Variants in MGAT4C observed in about 807,000 individuals in gnomAD.
The protein encoded by MGAT4C is alpha-1,3-mannosyl-glycoprotein 4-beta-N-acetylglucosaminyltransferase C.
A neutral mutation model predicts 40.1 loss-of-function variants in MGAT4C; 19 were observed. That is an observed-to-expected ratio of 0.47 (90% CI 0.33 to 0.70). The LOEUF is 0.70. MGAT4C is among the 30% of genes least tolerant of loss of function. The pLI is 0.02. For synonymous variants in MGAT4C, 181 were observed against 187.1 expected (o/e 0.97, Z 0.27); for missense variants, 491 against 563.2 (o/e 0.87, Z 1.30).
At chr12:86,733,058 A>C (rs944166002) in intron 1 of MGAT4C, among the ~76,000 whole-genome samples, 8 of 152,136 alleles carry the variant, frequency 5.3e-5, no homozygotes, top group African/African-American at 1.9e-4. Context: ...AGAATGAAAA[A>C]TTAAATCAGT....
intron 3 of MGAT4C, among the ~76,000 whole-genome samples, chr12:86,347,351 C>T (rs940661261): frequency 2.0e-5 from 3 of 152,010 alleles, no homozygotes; most frequent in Admixed American, 1.3e-4. Flanking sequence ...AAACACATGG[C>T]ATATTTTAAA....
At chr12:86,179,620 CTTG>C (rs1887889259) in intron 1 of MGAT4C, among the ~76,000 whole-genome samples, 1 of 152,148 alleles carries the variant, frequency 6.6e-6, no homozygotes, top group African/African-American at 2.4e-5. Flanking sequence ...AGAGGTGACT[CTTG>C]TTAAGTGACT....
chr12:86,617,386 AAT>A lies in MGAT4C; in HGVS notation c.-229+109821_-229+109822del, dbSNP rs376982316. Among the ~76,000 whole-genome samples, 73 of 152,324 alleles carry A rather than the reference AAT, an allele frequency of 4.8e-4. No homozygotes were observed. The East Asian group carries it at 9.6e-3, about 20-fold the overall frequency. ...CAACTCCAAATTGAAAGTGTTCATT[AAT>A]ATGCAGAAGAATGAAATTGGACATC... is the stretch of plus-strand genomic sequence containing the variant. On this transcript the variant is annotated intron_variant, in intron 2 of 7. Transcript: ENST00000548651.
Position 85,961,337 on chromosome 12 carries a change from G to GA in MGAT4C, c.*17951dup, listed in dbSNP as rs1407299059. The stretch of plus-strand genomic sequence containing the variant: ...GAGCTCAGAAAAAAATGCCTAACAT[G>GA]AACATTTAAGCATCTTCTGTTTCTG... On this transcript the variant is annotated 3_prime_UTR_variant, in exon 5 of 5. Transcript: ENST00000611864. The GA allele has an allele frequency of 6.6e-6, 1 of 151,760 alleles. No homozygotes were observed. The highest frequency in any genetic ancestry group is 1.9e-4 in the East Asian group (1 of 5,194). The allele number at this position is 151,760 out of a possible 1,614,324, so 9.4% of individuals were successfully genotyped here.
chr12:85,986,647 A>C (rs547103939), intron 3 of MGAT4C, among the ~76,000 whole-genome samples: 4 of 152,352 alleles, frequency 2.6e-5, no homozygotes, highest in African/African-American at 9.6e-5. Flanking sequence ...CTAAGTTAGA[A>C]GTACTATTTC....
intron 2 of MGAT4C, among the ~76,000 whole-genome samples, chr12:86,009,764 C>G (rs1167551967): frequency 6.6e-6 from 1 of 152,182 alleles, no homozygotes; most frequent in Non-Finnish European, 1.5e-5. Context: ...TTTGCCTACA[C>G]ATTCTTTCCT....
chr12:86,705,036 C>G (rs551458607), intron 2 of MGAT4C, among the ~76,000 whole-genome samples: 2 of 152,184 alleles, frequency 1.3e-5, no homozygotes, highest in East Asian at 3.9e-4. Context: ...CTATCATATT[C>G]AAATAAGTGA....
At chr12:86,782,219 T>C (rs946120425) in intron 1 of MGAT4C, among the ~76,000 whole-genome samples, 2 of 131,966 alleles carry the variant, frequency 1.5e-5, no homozygotes, top group East Asian at 4.9e-4. Context: ...TCTCGCTCTG[T>C]CGCCCAGGCT....
In MGAT4C at chr12:85,966,285, G is replaced by A. The variant is rs1235767684; in HGVS notation, c.*13004C>T. 1.3e-5 allele frequency: 2 copies of A among 151,822 alleles called. No individual in the cohort carries two copies. The highest frequency in any genetic ancestry group is 2.9e-5 in the Non-Finnish European group (2 of 67,958). The allele number at this position is 151,822 out of a possible 1,614,324, so 9.4% of individuals were successfully genotyped here. ...ATATTTTGCTAAGCTTGTGGATGAA[G>A]CCGCATGTCTCTTTTTTTTTTAACC... is the stretch of plus-strand genomic sequence containing the variant. On this transcript the variant is annotated 3_prime_UTR_variant, in exon 5 of 5. Transcript: ENST00000611864.
At chr12:86,055,488 A>G (rs969409282) in intron 1 of MGAT4C, among the ~76,000 whole-genome samples, 1 of 152,106 alleles carries the variant, frequency 6.6e-6, no homozygotes, top group Admixed American at 6.6e-5. Context: ...TCTCTAAACC[A>G]TAAATCATAT....
intron 4 of MGAT4C, among the ~76,000 whole-genome samples, chr12:86,292,923 T>C (rs1451150959): frequency 6.6e-6 from 1 of 152,068 alleles, no homozygotes; most frequent in African/African-American, 2.4e-5. Flanking sequence ...CTTGTGCTAA[T>C]TGCTAAAAAA....
chr12:86,814,272 ACGT>A, intron 1 of MGAT4C, among the ~76,000 whole-genome samples: 2 of 113,120 alleles, frequency 1.8e-5, no homozygotes, highest in Non-Finnish European at 3.8e-5. Context: ...ATATACATAT[ACGT>A]ATATATATAC....
chr12:86,378,303 T>A (rs1490881788), intron 3 of MGAT4C, among the ~76,000 whole-genome samples: 1 of 152,170 alleles, frequency 6.6e-6, no homozygotes, highest in Non-Finnish European at 1.5e-5. Flanking sequence ...TTATTACTGT[T>A]ATCTGGTTAT....
rs1186016639 is a variant in MGAT4C at position 85,995,674 on chromosome 12, C to G, written c.-6-6122G>C. On this transcript the variant is annotated intron_variant, in intron 2 of 4. Coordinates refer to ENST00000611864, the MANE Select transcript of MGAT4C (RefSeq NM_001351288.2). ...CTTGAGCCCAGGACATTGAGACCAC[C>G]CTGGGCAACATAGTGAGACCCCATC... Among the ~76,000 whole-genome samples, 3 of 152,046 alleles carry G rather than the reference C, an allele frequency of 2.0e-5. No individual in the cohort carries two copies. In the East Asian group the frequency reaches 5.8e-4, roughly 29 times the overall value.
intron 2 of MGAT4C, among the ~76,000 whole-genome samples, chr12:86,513,292 A>T (rs1260705750): frequency 6.6e-6 from 1 of 152,172 alleles, no homozygotes; most frequent in Non-Finnish European, 1.5e-5. Context: ...CTATCCATTC[A>T]ATACCACATG....
chr12:86,445,234 A>G (rs746583636), intron 2 of MGAT4C, among the ~76,000 whole-genome samples: 50 of 152,172 alleles, frequency 3.3e-4, no homozygotes, highest in Non-Finnish European at 5.9e-4. Context: ...CACACATAAA[A>G]CCTCTAAAAA....
At position 85,974,362 on chromosome 12, in the gene MGAT4C, TA is replaced by T. The variant is rs1190885295; in HGVS notation, c.*4926del. The T allele has an allele frequency of 6.6e-6, 1 of 150,590 alleles. No homozygotes were observed. The highest frequency in any genetic ancestry group is 2.4e-5 in the African/African-American group (1 of 41,224). 9.3% of individuals were successfully genotyped at this position (150,590 alleles called of 1,614,324 possible). A position where few individuals can be genotyped will look rare whatever the true frequency, so the allele number is the denominator to read the frequency against. ...CAAGAATAAGTGGAGGTGTAAAGGC[TA>T]AAAAATAATGCAAATGGTGCATATC... On this transcript the variant is annotated 3_prime_UTR_variant, in exon 5 of 5. Transcript: ENST00000611864.
intron 1 of MGAT4C, among the ~76,000 whole-genome samples, chr12:86,774,835 T>C (rs1469233052): frequency 6.6e-6 from 1 of 152,110 alleles, no homozygotes; most frequent in Non-Finnish European, 1.5e-5. Context: ...ATAGAGTTGG[T>C]TCTATAATGA....
At chr12:86,824,261 G>A (rs772271252) in intron 1 of MGAT4C, among the ~76,000 whole-genome samples, 35 of 151,390 alleles carry the variant, frequency 2.3e-4, no homozygotes, top group Non-Finnish European at 4.3e-4. Flanking sequence ...AGCGATGCTG[G>A]TAATTTGGCT....
Sources: allele counts gnomAD v4.1 joint callset (sites outside exome capture counted in the v4.1 genomes callset), GRCh38; gene constraint gnomAD v4.1.1; transcripts MANE v1.5; gene names NCBI Gene and HGNC (gene_info 2026-07-23, HGNC 2026-07-21).